PDZRN4: variants seen among roughly 807,000 people sequenced by gnomAD.
PDZRN4 encodes the protein PDZ domain containing ring finger 4.
In PDZRN4, 70 loss-of-function variants were observed where a neutral mutation model predicts 99.0. The observed-to-expected ratio is 0.71, with a 90% confidence interval of 0.58 to 0.86. The LOEUF (loss-of-function observed/expected upper bound fraction) is 0.86. Among genes scored for constraint, PDZRN4 ranks in the 40% least tolerant of loss-of-function variants. PDZRN4 has a pLI of 0.00. For missense variants in PDZRN4, 1,474 were observed against 1,331.2 expected (o/e 1.11, Z -1.67); for synonymous variants, 551 against 501.6 (o/e 1.10, Z -1.32).
At chr12:41,557,090 G>T (rs1437749520) in intron 7 of PDZRN4, among the ~76,000 whole-genome samples, 3 of 145,308 alleles carry the variant, frequency 2.1e-5, no homozygotes, top group Non-Finnish European at 4.5e-5. Flanking sequence ...GACAGAGGTT[G>T]CAGTGAGCCG....
At chr12:41,335,755 T>A (rs1951769030) in intron 3 of PDZRN4, among the ~76,000 whole-genome samples, 1 of 152,104 alleles carries the variant, frequency 6.6e-6, no homozygotes, top group Non-Finnish European at 1.5e-5. Context: ...GTCCAAGGTG[T>A]ATACTTGTGA....
chr12:41,417,744 T>C (rs1306734594), intron 3 of PDZRN4, among the ~76,000 whole-genome samples: 1 of 152,144 alleles, frequency 6.6e-6, no homozygotes, highest in East Asian at 1.9e-4. Flanking sequence ...GTATTAAAGG[T>C]AGAGGAAATA....
chr12:41,338,828 T>G (rs904422141), intron 3 of PDZRN4, among the ~76,000 whole-genome samples: 2 of 151,682 alleles, frequency 1.3e-5, no homozygotes, highest in Non-Finnish European at 2.9e-5. Flanking sequence ...ACAAAATCTT[T>G]CATCAAAAAA....
At chr12:41,473,804 C>G (rs538043145) in intron 3 of PDZRN4, among the ~76,000 whole-genome samples, 2 of 152,194 alleles carry the variant, frequency 1.3e-5, no homozygotes, top group Non-Finnish European at 2.9e-5. Flanking sequence ...TCCAATAAAA[C>G]CCAACCTACT....
At chr12:41,494,148 C>G (rs1937946710) in intron 3 of PDZRN4, among the ~76,000 whole-genome samples, 1 of 151,950 alleles carries the variant, frequency 6.6e-6, no homozygotes, top group South Asian at 2.1e-4. Context: ...CAATTCACCA[C>G]TTAATTGTAA....
intron 3 of PDZRN4, among the ~76,000 whole-genome samples, chr12:41,415,054 C>T (rs1952432909): frequency 6.6e-6 from 1 of 152,012 alleles, no homozygotes; most frequent in South Asian, 2.1e-4. Flanking sequence ...GGTATTTGAC[C>T]TTAAGACAGC....
At chr12:41,357,750 C>T (rs1951937734) in intron 3 of PDZRN4, among the ~76,000 whole-genome samples, 1 of 151,926 alleles carries the variant, frequency 6.6e-6, no homozygotes, top group East Asian at 1.9e-4. Context: ...ACCATGTTAG[C>T]CTTCGCTGGC....
At chr12:41,557,995 G>C (rs927750963) in intron 7 of PDZRN4, among the ~76,000 whole-genome samples, 9 of 152,276 alleles carry the variant, frequency 5.9e-5, no homozygotes, top group Non-Finnish European at 4.4e-5. Context: ...GAGAATGATA[G>C]GGTAGATGAG....
chr12:41,238,212 A>G (rs1001099780), intron 3 of PDZRN4, among the ~76,000 whole-genome samples: 1 of 151,774 alleles, frequency 6.6e-6, no homozygotes, highest in Non-Finnish European at 1.5e-5. Context: ...ATTCCTAGGT[A>G]TTTTACTCTC....
intron 3 of PDZRN4, among the ~76,000 whole-genome samples, chr12:41,328,198 C>A (rs1318824534): frequency 6.6e-6 from 1 of 152,036 alleles, no homozygotes; most frequent in Non-Finnish European, 1.5e-5. Context: ...TGATCAGAGT[C>A]ATTGACTTTA....
Position 41,431,343 on chromosome 12 carries a change from C to T in PDZRN4, c.844-75113C>T, listed in dbSNP as rs533857954. 3.7e-4 allele frequency among the ~76,000 whole-genome samples: 57 copies of T among 152,160 alleles called. 1 individual carries two copies. Among genetic ancestry groups the T allele is most frequent in the Admixed American group, 7.2e-4 (11 of 15,270 alleles). ...GCTATTATTATCCCTGTTTTAGAGA[C>T]GAGAAACCAAGAAACAGAGAAGATT... On this transcript the variant is annotated intron_variant, in intron 3 of 9. Coordinates refer to ENST00000402685, the MANE Select transcript of PDZRN4 (RefSeq NM_001164595.2).
intron 3 of PDZRN4, among the ~76,000 whole-genome samples, chr12:41,379,997 C>A (rs1952111802): frequency 6.6e-6 from 1 of 151,976 alleles, no homozygotes; most frequent in African/African-American, 2.4e-5. Flanking sequence ...GTTCTGTTAG[C>A]ATTTGCTTGA....
chr12:41,449,669 G>A (rs1404417249), intron 3 of PDZRN4, among the ~76,000 whole-genome samples: 2 of 152,144 alleles, frequency 1.3e-5, no homozygotes, highest in Non-Finnish European at 2.9e-5. Flanking sequence ...CTGTAGCATA[G>A]ATGAAAATTA....
At chr12:41,280,635 A>G (rs894466194) in intron 3 of PDZRN4, among the ~76,000 whole-genome samples, 1 of 150,062 alleles carries the variant, frequency 6.7e-6, no homozygotes, top group African/African-American at 2.4e-5. Flanking sequence ...AGCTCAGCAA[A>G]GCCACTGTAG....
intron 3 of PDZRN4, among the ~76,000 whole-genome samples, chr12:41,471,657 T>G (rs1413228098): frequency 3.3e-5 from 5 of 151,046 alleles, no homozygotes; most frequent in African/African-American, 1.2e-4. Flanking sequence ...GATAGTTGTA[T>G]GAATAAATGA....
intron 3 of PDZRN4, among the ~76,000 whole-genome samples, chr12:41,222,407 C>T (rs984628838): frequency 6.6e-6 from 1 of 152,110 alleles, no homozygotes; most frequent in Non-Finnish European, 1.5e-5. Context: ...CAGGTTGCTG[C>T]TGTACTCGGT....
At chr12:41,314,654 G>C (rs1489986076) in intron 3 of PDZRN4, among the ~76,000 whole-genome samples, 1 of 152,110 alleles carries the variant, frequency 6.6e-6, no homozygotes, top group Non-Finnish European at 1.5e-5. Context: ...TGGAACATTT[G>C]GGTAAGAGTG....
chr12:41,275,676 A>G (rs966560503), intron 3 of PDZRN4, among the ~76,000 whole-genome samples: 5 of 152,132 alleles, frequency 3.3e-5, no homozygotes, highest in African/African-American at 1.2e-4. Flanking sequence ...AAAAATAATC[A>G]TTTCTGAGGG....
chr12:41,251,410 A>G (rs1212637572), intron 3 of PDZRN4, among the ~76,000 whole-genome samples: 1 of 152,108 alleles, frequency 6.6e-6, no homozygotes, highest in Non-Finnish European at 1.5e-5. Context: ...CATTTTCCCT[A>G]TAAACTTTTT....
Sources: gnomAD v4.1 joint callset for allele counts (sites outside exome capture counted in the v4.1 genomes callset) on GRCh38, gnomAD v4.1.1 for gene constraint, MANE v1.5 for transcripts, NCBI Gene and HGNC (gene_info 2026-07-23, HGNC 2026-07-21) for gene names.